The following KCNQ5 variants were observed in gnomAD, a reference collection of about 807,000 sequenced individuals.
KCNQ5 encodes the protein potassium voltage-gated channel subfamily Q member 5, also known as potassium voltage-gated channel subfamily KQT member 5.
Under a neutral mutation model 98.2 loss-of-function variants are expected in KCNQ5, and 30 were observed. The ratio of observed to expected loss-of-function variants is 0.31; its 90% CI spans 0.23 to 0.41. KCNQ5 has a LOEUF of 0.41. Among genes scored for constraint, KCNQ5 ranks in the 10% least tolerant of loss-of-function variants. The pLI, the probability that KCNQ5 is intolerant of heterozygous loss-of-function variation, is 1.00. For synonymous variants in KCNQ5, 458 were observed against 449.4 expected, an observed-to-expected ratio of 1.02 and a Z score of -0.24; for missense variants, 835 against 1,182.5, an observed-to-expected ratio of 0.71 and a Z score of 4.31.
intron 10 of KCNQ5, among the ~76,000 whole-genome samples, chr6:73,165,275 A>G: frequency 6.6e-6 from 1 of 152,130 alleles, no homozygotes; most frequent in East Asian, 1.9e-4. Flanking sequence ...ATGAACCACC[A>G]TGCCCAGCTG....
chr6:72,707,348 A>G (rs1389132132), intron 1 of KCNQ5, among the ~76,000 whole-genome samples: 1 of 152,168 alleles, frequency 6.6e-6, no homozygotes, highest in Non-Finnish European at 1.5e-5. Context: ...GATAATAGGG[A>G]TGTTCTGTAT....
chr6:72,849,484 T>C (rs1378092379), intron 1 of KCNQ5, among the ~76,000 whole-genome samples: 6 of 152,130 alleles, frequency 3.9e-5, no homozygotes, highest in Non-Finnish European at 5.9e-5. Context: ...TAGAAAGATA[T>C]TTCTGATTCC....
intron 1 of KCNQ5, among the ~76,000 whole-genome samples, chr6:72,850,947 G>T (rs1445465731): frequency 6.6e-6 from 1 of 151,756 alleles, no homozygotes; most frequent in African/African-American, 2.4e-5. Flanking sequence ...AAGAAAACTT[G>T]CTTTTTGACT....
At chr6:73,024,989 A>T (rs1037580572) in intron 2 of KCNQ5, among the ~76,000 whole-genome samples, 5 of 152,222 alleles carry the variant, frequency 3.3e-5, no homozygotes, top group African/African-American at 1.2e-4. Flanking sequence ...TCAACATTTG[A>T]TTGAGAGGCA....
intron 1 of KCNQ5, among the ~76,000 whole-genome samples, chr6:72,792,371 A>G (rs910516335): frequency 2.0e-5 from 3 of 152,164 alleles, no homozygotes; most frequent in Non-Finnish European, 2.9e-5. Context: ...TCGAAGCACA[A>G]TAAAGCCAAT....
intron 1 of KCNQ5, among the ~76,000 whole-genome samples, chr6:72,950,694 TG>T (rs869109688): frequency 6.8e-6 from 1 of 146,260 alleles, no homozygotes; most frequent in South Asian, 2.2e-4. Flanking sequence ...CGGAGGGCAT[TG>T]GAGGGGAAGT....
At chr6:72,831,293 G>T (rs537071678) in intron 1 of KCNQ5, among the ~76,000 whole-genome samples, 15 of 152,020 alleles carry the variant, frequency 9.9e-5, no homozygotes, top group Admixed American at 7.9e-4. Context: ...TGTTTATTGC[G>T]GAACTATTCA....
intron 1 of KCNQ5, among the ~76,000 whole-genome samples, chr6:72,808,775 A>G (rs1423882891): frequency 6.6e-6 from 1 of 151,948 alleles, no homozygotes; most frequent in Non-Finnish European, 1.5e-5. Flanking sequence ...AGTGAAACCC[A>G]GTCTCTACTA....
intron 1 of KCNQ5, among the ~76,000 whole-genome samples, chr6:72,881,813 T>C (rs1225399569): frequency 6.6e-6 from 1 of 152,212 alleles, no homozygotes; most frequent in Non-Finnish European, 1.5e-5. Context: ...TGCCTCAGCC[T>C]CCCAGGTAGC....
intron 1 of KCNQ5, among the ~76,000 whole-genome samples, chr6:72,692,199 C>A (rs1768245407): frequency 6.6e-6 from 1 of 152,164 alleles, no homozygotes; most frequent in African/African-American, 2.4e-5. Context: ...TGCCTGTCTA[C>A]AAGAAGCCCA....
intron 10 of KCNQ5, among the ~76,000 whole-genome samples, chr6:73,159,998 TTTG>T (rs1777547375): frequency 5.8e-5 from 5 of 86,530 alleles, no homozygotes; most frequent in African/African-American, 2.8e-4. Flanking sequence ...GTTTTTTTTG[TTTG>T]TTTGTTTGTT....
intron 11 of KCNQ5, among the ~76,000 whole-genome samples, chr6:73,170,703 G>A (rs182827756): frequency 2.0e-5 from 3 of 152,014 alleles, no homozygotes; most frequent in South Asian, 2.1e-4. Flanking sequence ...GGAGGCTGAG[G>A]GGGGCAGATC....
At chr6:72,734,355 T>G (rs1770712455) in intron 1 of KCNQ5, among the ~76,000 whole-genome samples, 1 of 152,236 alleles carries the variant, frequency 6.6e-6, no homozygotes, top group East Asian at 1.9e-4. Flanking sequence ...GGAGTCTTGC[T>G]CTGTCTCCCA....
intron 1 of KCNQ5, among the ~76,000 whole-genome samples, chr6:72,733,839 C>T (rs1014191319): frequency 7.2e-5 from 11 of 152,134 alleles, no homozygotes; most frequent in Admixed American, 7.2e-4. Flanking sequence ...GTCCTGCAGC[C>T]CCATGAGGCT....
intron 6 of KCNQ5, among the ~76,000 whole-genome samples, chr6:73,108,026 A>T (rs1364820891): frequency 6.6e-6 from 1 of 152,236 alleles, no homozygotes; most frequent in African/African-American, 2.4e-5. Flanking sequence ...TTGCTGAGAA[A>T]GCTAGAGGTG....
intron 5 of KCNQ5, among the ~76,000 whole-genome samples, chr6:73,087,309 G>T (rs1026278229): frequency 6.6e-6 from 1 of 152,178 alleles, no homozygotes; most frequent in Non-Finnish European, 1.5e-5. Context: ...TCCGTGGGGG[G>T]AGTGAGGGAA....
chr6:72,903,113 T>C (rs1344830424), intron 1 of KCNQ5, among the ~76,000 whole-genome samples: 3 of 152,190 alleles, frequency 2.0e-5, no homozygotes. Context: ...TTCTACTTTA[T>C]GCACGTAAAG....
In KCNQ5 at chr6:73,198,778, A is replaced by C. The variant is rs1434950168; in HGVS notation, c.*3364A>C. ...CCATATCCATTTCAAGCTATCATTAAAGTGTAATTTCCTTTGCTCTCTTTT... is the reference window on the plus strand; with the variant it reads ...CCATATCCATTTCAAGCTATCATTACAGTGTAATTTCCTTTGCTCTCTTTT... On this transcript the variant is annotated 3_prime_UTR_variant, in exon 14 of 14. Coordinates refer to ENST00000370398, the MANE Select transcript of KCNQ5 (RefSeq NM_019842.4). 1 of 152,230 alleles carries C rather than the reference A, an allele frequency of 6.6e-6. No individual in the cohort carries two copies. Among genetic ancestry groups the C allele is most frequent in the Non-Finnish European group, 1.5e-5 (1 of 68,042 alleles). The allele number at this position is 152,230 out of a possible 1,614,324, so 9.4% of individuals were successfully genotyped here. A position where few individuals can be genotyped will look rare whatever the true frequency, so the allele number is the denominator to read the frequency against.
At chr6:72,995,601 C>T (rs1270134981) in intron 1 of KCNQ5, among the ~76,000 whole-genome samples, 30 of 151,974 alleles carry the variant, frequency 2.0e-4, no homozygotes, top group East Asian at 1.9e-4. Context: ...AGATGATAGT[C>T]GTGGGAGAAG....
Sources: gnomAD v4.1 joint callset for allele counts (sites outside exome capture counted in the v4.1 genomes callset) on GRCh38, gnomAD v4.1.1 for gene constraint, MANE v1.5 for transcripts, NCBI Gene and HGNC (gene_info 2026-07-23, HGNC 2026-07-21) for gene names.